MSRA: variants seen among roughly 807,000 people sequenced by gnomAD.
The protein encoded by MSRA is methionine sulfoxide reductase A, also known as mitochondrial peptide methionine sulfoxide reductase.
In MSRA, 54 loss-of-function variants were observed where a neutral mutation model predicts 31.3. The observed-to-expected ratio is 1.73, with a 90% CI of 1.39 to 2.17. The LOEUF is 2.17. Ranked by LOEUF, MSRA falls within the 30% of genes most tolerant of loss-of-function variation. The probability of loss-of-function intolerance (pLI) is 0.00; values close to 1 mark genes in which losing one functional copy is unlikely to be tolerated. For synonymous variants in MSRA, 169 were observed against 116.5 expected, an observed-to-expected ratio of 1.45 and a Z score of -2.90; for missense variants, 507 against 300.9, an observed-to-expected ratio of 1.69 and a Z score of -5.07.
intron 5 of MSRA, among the ~76,000 whole-genome samples, chr8:10,366,645 C>G (rs1805183093): frequency 6.6e-6 from 1 of 152,186 alleles, no homozygotes; most frequent in Non-Finnish European, 1.5e-5. Flanking sequence ...CTCCCGCATC[C>G]CCTGCTTGTA....
chr8:10,241,097 CT>C lies in MSRA; in HGVS notation c.212-4003del, dbSNP rs1455207492. On this transcript the variant is annotated intron_variant, in intron 2 of 5. Coordinates refer to ENST00000317173, the MANE Select transcript of MSRA (RefSeq NM_012331.5). Reference sequence around the variant, plus strand: ...ATCTGGTGGGTCTGATGGGACTTACCTTTTGATGGGAAATTTCAGCCACATC... The same window carrying C: ...ATCTGGTGGGTCTGATGGGACTTACCTTTGATGGGAAATTTCAGCCACATC... Among the ~76,000 whole-genome samples the C allele has an allele frequency of 2.0e-5, 3 of 152,212 alleles. No homozygotes were observed. The South Asian group carries it at 6.2e-4, about 32-fold the overall frequency.
chr8:10,340,305 C>CA (rs113970012), intron 5 of MSRA, among the ~76,000 whole-genome samples: 162 of 148,844 alleles, frequency 1.1e-3, no homozygotes, highest in Middle Eastern at 3.4e-3. Context: ...TTTTGACAAT[C>CA]AAAAAAAAAA....
At chr8:10,388,220 C>A (rs987927966) in intron 5 of MSRA, among the ~76,000 whole-genome samples, 2 of 152,098 alleles carry the variant, frequency 1.3e-5, no homozygotes, top group Non-Finnish European at 2.9e-5. Flanking sequence ...ATGGGGGAGG[C>A]AATTTATGGG....
rs551073925 is a variant in MSRA, at chr8:10,279,142, C to G, written c.332-22392C>G. Among the ~76,000 whole-genome samples the G allele has an allele frequency of 5.3e-5, 8 of 152,300 alleles. No homozygotes were observed. In the South Asian group the frequency reaches 1.5e-3, roughly 28 times the overall value. ...TAAATGGCTGCATGATCTTGCGTATCTGCTGGAGCCTCTGTCTCTTCATTA... is the reference window on the plus strand; with the variant it reads ...TAAATGGCTGCATGATCTTGCGTATGTGCTGGAGCCTCTGTCTCTTCATTA... On this transcript the variant is annotated intron_variant, in intron 3 of 5. Coordinates refer to ENST00000317173, the MANE Select transcript of MSRA (RefSeq NM_012331.5).
chr8:10,423,496 G>C (rs1808937566), intron 5 of MSRA, among the ~76,000 whole-genome samples: 1 of 151,864 alleles, frequency 6.6e-6, no homozygotes, highest in Admixed American at 6.5e-5. Flanking sequence ...GTTGACCAGT[G>C]GACTTGGGGT....
intron 5 of MSRA, among the ~76,000 whole-genome samples, chr8:10,422,453 A>C (rs1167942253): frequency 6.6e-6 from 1 of 152,216 alleles, no homozygotes; most frequent in Non-Finnish European, 1.5e-5. Flanking sequence ...GGGGTCATTG[A>C]GGAAGAGTCT....
intron 1 of MSRA, among the ~76,000 whole-genome samples, chr8:10,083,720 C>CA (rs1789665344): frequency 6.6e-6 from 1 of 151,862 alleles, no homozygotes; most frequent in South Asian, 2.1e-4. Context: ...TATCTGCTAT[C>CA]CTGTTTTTTT....
intron 1 of MSRA, among the ~76,000 whole-genome samples, chr8:10,126,199 C>T (rs1801483696): frequency 6.6e-6 from 1 of 152,300 alleles, no homozygotes; most frequent in African/African-American, 2.4e-5. Context: ...TCTTAGGTCA[C>T]AGTTGTTGAA....
At chr8:10,276,022 G>A (rs552003072) in intron 3 of MSRA, among the ~76,000 whole-genome samples, 1 of 152,174 alleles carries the variant, frequency 6.6e-6, no homozygotes, top group Non-Finnish European at 1.5e-5. Flanking sequence ...TCCAACACTG[G>A]CTGGTGTTTA....
intron 5 of MSRA, among the ~76,000 whole-genome samples, chr8:10,404,222 C>T (rs1198801148): frequency 1.3e-5 from 2 of 152,242 alleles, no homozygotes; most frequent in South Asian, 2.1e-4. Flanking sequence ...CGGTGCTGCT[C>T]CTCCTCCACA....
chr8:10,322,882 G>A (rs1410431556), intron 5 of MSRA, among the ~76,000 whole-genome samples: 1 of 152,132 alleles, frequency 6.6e-6, no homozygotes, highest in Non-Finnish European at 1.5e-5. Context: ...ATGAGGTCAG[G>A]ACTTCGAGAC....
chr8:10,079,285 C>G (rs192749744), intron 1 of MSRA, among the ~76,000 whole-genome samples: 43 of 152,198 alleles, frequency 2.8e-4, no homozygotes, highest in Middle Eastern at 3.4e-3. Context: ...CAGCCTCCCA[C>G]ATAGCTGGGA....
intron 1 of MSRA, among the ~76,000 whole-genome samples, chr8:10,207,478 G>T (rs976041074): frequency 6.6e-6 from 1 of 152,210 alleles, no homozygotes; most frequent in Non-Finnish European, 1.5e-5. Flanking sequence ...CCCCAGTTCA[G>T]CCTGGAAGTT....
intron 1 of MSRA, among the ~76,000 whole-genome samples, chr8:10,172,734 A>G (rs1805702473): frequency 6.6e-6 from 1 of 152,148 alleles, no homozygotes; most frequent in East Asian, 1.9e-4. Flanking sequence ...AGAGATGGGA[A>G]AGGAGGCCAG....
rs372503609 is a variant in MSRA at position 10,283,836 on chromosome 8, T to TACACACACACACAC, written c.332-17678_332-17665dup. On this transcript the variant is annotated intron_variant, in intron 3 of 5. Coordinates refer to ENST00000317173, the MANE Select transcript of MSRA (RefSeq NM_012331.5). ...ATATATATATATATATATATATATA[T>TACACACACACACAC]ACACACACACACACACACACACACA... is the stretch of plus-strand genomic sequence containing the variant. 7.5e-4 allele frequency among the ~76,000 whole-genome samples: 40 copies of TACACACACACACAC among 53,140 alleles called. 1 individual carries two copies. Among genetic ancestry groups the TACACACACACACAC allele is most frequent in the East Asian group, 1.7e-3 (2 of 1,186 alleles). The allele number at this position is 53,140 out of a possible 152,430, so 34.9% of individuals were successfully genotyped here.
At chr8:10,232,448 G>A (rs1253214342) in intron 2 of MSRA, among the ~76,000 whole-genome samples, 1 of 152,182 alleles carries the variant, frequency 6.6e-6, no homozygotes, top group Non-Finnish European at 1.5e-5. Context: ...TTTATGTAGT[G>A]AACCCATAGG....
intron 2 of MSRA, among the ~76,000 whole-genome samples, chr8:10,240,617 T>C (rs936808812): frequency 6.6e-6 from 1 of 152,202 alleles, no homozygotes; most frequent in African/African-American, 2.4e-5. Flanking sequence ...TCTTTGTGTT[T>C]CTGGCCTCTG....
intron 5 of MSRA, among the ~76,000 whole-genome samples, chr8:10,385,229 G>C (rs1029597226): frequency 6.6e-6 from 1 of 152,184 alleles, no homozygotes; most frequent in African/African-American, 2.4e-5. Flanking sequence ...ACGCCAGGGT[G>C]ATCAGACCAC....
intron 1 of MSRA, among the ~76,000 whole-genome samples, chr8:10,091,658 G>A (rs956880872): frequency 4.6e-5 from 7 of 151,022 alleles, no homozygotes; most frequent in Admixed American, 2.0e-4. Flanking sequence ...CCAGGCTGGA[G>A]TGCAATGGTG....
Sources: gnomAD v4.1 joint callset for allele counts (sites outside exome capture counted in the v4.1 genomes callset) on GRCh38, gnomAD v4.1.1 for gene constraint, MANE v1.5 for transcripts, NCBI Gene and HGNC (gene_info 2026-07-23, HGNC 2026-07-21) for gene names.